Variants in POLN observed in about 807,000 individuals in gnomAD.
POLN encodes the protein DNA polymerase N.
In POLN, 108 loss-of-function variants were observed where a neutral mutation model predicts 113.5. The observed-to-expected ratio is 0.95, with a 90% confidence interval of 0.81 to 1.12. The LOEUF (loss-of-function observed/expected upper bound fraction) is 1.12. Ranked by LOEUF, POLN falls within the 50% of genes most tolerant of loss-of-function variation. POLN has a pLI of 0.00. For missense variants in POLN, 1,097 were observed against 1,077.1 expected (o/e 1.02, Z -0.26); for synonymous variants, 386 against 391.5 (o/e 0.99, Z 0.17).
At chr4:2,197,087 G>C (rs756512615) in intron 6 of POLN, among the ~76,000 whole-genome samples, 1 of 152,222 alleles carries the variant, frequency 6.6e-6, no homozygotes, top group Non-Finnish European at 1.5e-5. Flanking sequence ...TTCTACACTT[G>C]ATCTTAGCCA....
In POLN at chr4:2,189,564, A is replaced by G. The variant is rs940032123; in HGVS notation, c.1021+3640T>C. Among the ~76,000 whole-genome samples, 15 of 151,584 alleles carry G rather than the reference A, an allele frequency of 9.9e-5. 1 individual carries two copies. The highest frequency in any genetic ancestry group is 2.9e-5 in the Non-Finnish European group (2 of 67,952). On this transcript the variant is annotated intron_variant, in intron 7 of 25. Coordinates refer to ENST00000511885, the MANE Select transcript of POLN (RefSeq NM_181808.4). ...TGAGGCAGGAGAATGGCGTGAACCC[A>G]GGAGGCAGAGCTTGCAGTAAGCCAA...
At chr4:2,176,436 T>C (rs1732997978) in intron 8 of POLN, 102 bp from the exon 9 acceptor site, 1 of 889,438 alleles carries the variant, frequency 1.1e-6, no homozygotes, top group Non-Finnish European at 1.7e-6. Flanking sequence ...CCTAGTAAAA[T>C]CCCATGAGGT....
rs1553893099 is a variant in POLN at position 2,091,800 on chromosome 4, T to TGCGCGC, written c.2065+4045_2065+4050dup. On this transcript the variant is annotated intron_variant, in intron 20 of 25. Transcript: ENST00000511885. ...GTGTGTGTGTGTGTGTGTGTGTGTG[T>TGCGCGC]GCGCGCGCTACAATTTGACGTTTAG... Among the ~76,000 whole-genome samples, 501 of 144,944 alleles carry TGCGCGC rather than the reference T, an allele frequency of 3.5e-3. 3 individuals carry two copies. The highest frequency in any genetic ancestry group is 5.7e-3 in the East Asian group (27 of 4,738).
chr4:2,130,824 G>C (rs1731709693), intron 17 of POLN, among the ~76,000 whole-genome samples: 1 of 152,136 alleles, frequency 6.6e-6, no homozygotes, highest in Admixed American at 6.6e-5. Context: ...TGCAAATACA[G>C]AGAACTTCAG....
chr4:2,173,283 CT>C (rs1467363821), intron 11 of POLN, among the ~76,000 whole-genome samples: 1 of 152,052 alleles, frequency 6.6e-6, no homozygotes, highest in East Asian at 1.9e-4. Flanking sequence ...CTGGCATGTG[CT>C]TTAGCCTTTT....
In POLN at chr4:2,241,599, G is replaced by C; in HGVS notation, c.-92C>G. ...AGAACAGCAGGAGCAGCAGGGAAGC[G>C]CGCGGCCACAATTAAGGGTGCTTCG... On this transcript the variant is annotated 5_prime_UTR_variant, in exon 2 of 26. Transcript: ENST00000511885. 2 of 985,614 alleles carry C rather than the reference G, an allele frequency of 2.0e-6. No homozygotes were observed. The highest frequency in any genetic ancestry group is 2.4e-6 in the Non-Finnish European group (2 of 830,086). 61.1% of individuals were successfully genotyped at this position (985,614 alleles called of 1,614,324 possible).
chr4:2,071,997 G>A lies in POLN; in HGVS notation c.*117C>T. ...CAGGCATTTACTCCAGGGGATGGCG[G>A]GCCACCCCAGCCCCAAAGGGTTAAT... On this transcript the variant is annotated 3_prime_UTR_variant, in exon 26 of 26. Coordinates refer to ENST00000511885, the MANE Select transcript of POLN (RefSeq NM_181808.4). This position sits in a 1 kb window ranked among gnomAD's most constrained non-coding sequence, Gnocchi z 5.2. The A allele has an allele frequency of 8.5e-7, 1 of 1,182,174 alleles. No homozygotes were observed. The highest frequency in any genetic ancestry group is 1.3e-6 in the Non-Finnish European group (1 of 788,934). The allele number at this position is 1,182,174 out of a possible 1,614,324, so 73.2% of individuals were successfully genotyped here.
chr4:2,158,013 G>A (rs953012133), intron 14 of POLN, 102 bp from the exon 15 acceptor site: 20 of 803,946 alleles, frequency 2.5e-5, no homozygotes, highest in East Asian at 6.0e-5. Flanking sequence ...GTGCAGTGGC[G>A]TGATCTCGGC....
intron 22 of POLN, chr4:2,081,423 C>T: frequency 1.6e-6 from 1 of 627,662 alleles, no homozygotes; most frequent in Non-Finnish European, 2.8e-6. Context: ...GGGAATCATC[C>T]AATCATCCTA....
chr4:2,231,813 T>C, intron 2 of POLN: 1 of 608,782 alleles, frequency 1.6e-6, no homozygotes, highest in Non-Finnish European at 2.9e-6. Flanking sequence ...GTTCAATTCA[T>C]CAAATTAAAT....
intron 5 of POLN, among the ~76,000 whole-genome samples, chr4:2,200,649 T>C (rs1733688241): frequency 6.6e-6 from 1 of 152,018 alleles, no homozygotes; most frequent in South Asian, 2.1e-4. Context: ...GGAAGCCACA[T>C]CCCTAGGAAA....
At chr4:2,160,653 C>T (rs1345478626) in intron 13 of POLN, among the ~76,000 whole-genome samples, 1 of 152,192 alleles carries the variant, frequency 6.6e-6, no homozygotes, top group Non-Finnish European at 1.5e-5. Context: ...AAGTGATCCT[C>T]CCGCCTTGGC....
In POLN at chr4:2,072,312, G is replaced by C. The variant is rs150984531; in HGVS notation, c.2518-13C>G. The C allele has an allele frequency of 2.5e-5, 39 of 1,539,526 alleles. No homozygotes were observed. In the African/African-American group the frequency reaches 5.0e-4, roughly 20 times the overall value. On this transcript the variant is annotated splice_polypyrimidine_tract_variant and intron_variant, in intron 25 of 25. Transcript: ENST00000511885. ...CCTTGAGGGGTACCTGCAGGTGGCAGCCAGAGGTGAGCCCCACGCCTGGGC... is the reference window on the plus strand; with the variant it reads ...CCTTGAGGGGTACCTGCAGGTGGCACCCAGAGGTGAGCCCCACGCCTGGGC...
intron 19 of POLN, 75 bp downstream of exon 19, chr4:2,128,038 G>T: frequency 2.2e-6 from 2 of 922,796 alleles, no homozygotes; most frequent in Non-Finnish European, 3.4e-6. Context: ...AAGTAGCCTT[G>T]GAATAATTCC....
intron 2 of POLN, chr4:2,238,580 A>G: frequency 1.4e-6 from 2 of 1,415,404 alleles, no homozygotes; most frequent in Non-Finnish European, 1.9e-6. Context: ...AATATTTACT[A>G]AAGAAACAAT....
intron 19 of POLN, among the ~76,000 whole-genome samples, chr4:2,124,396 AGCCAG>A (rs1409186183): frequency 6.6e-6 from 1 of 152,136 alleles, no homozygotes. Context: ...CCTCCCAAGC[AGCCAG>A]GACTACAGGA....
At chr4:2,086,421 C>G (rs935982405) in intron 20 of POLN, among the ~76,000 whole-genome samples, 1 of 152,198 alleles carries the variant, frequency 6.6e-6, no homozygotes, top group African/African-American at 2.4e-5. Flanking sequence ...CCTGTCCCAC[C>G]AGGAGGTTCT....
intron 19 of POLN, among the ~76,000 whole-genome samples, chr4:2,105,261 C>G (rs1577695160): frequency 6.6e-6 from 1 of 152,298 alleles, no homozygotes; most frequent in East Asian, 1.9e-4. Context: ...TCGCTGGAGT[C>G]TGGACCTTTT....
chr4:2,124,388 T>C (rs965969636), intron 19 of POLN, among the ~76,000 whole-genome samples: 1 of 151,968 alleles, frequency 6.6e-6, no homozygotes, highest in African/African-American at 2.4e-5. Context: ...CTCCTTAGCC[T>C]CCCAAGCAGC....
Sources: allele counts gnomAD v4.1 joint callset (sites outside exome capture counted in the v4.1 genomes callset), GRCh38; gene constraint gnomAD v4.1.1; non-coding constraint Gnocchi (gnomAD v3.1); transcripts MANE v1.5; gene names NCBI Gene and HGNC (gene_info 2026-07-23, HGNC 2026-07-21).